The following FAT3 variants were observed in gnomAD, a reference collection of about 807,000 sequenced individuals.
FAT3 encodes the protein protocadherin Fat 3.
Under a neutral mutation model 310.2 loss-of-function variants are expected in FAT3, and 95 were observed. The ratio of observed to expected loss-of-function variants is 0.31; its 90% confidence interval spans 0.26 to 0.36. The LOEUF (loss-of-function observed/expected upper bound fraction) is 0.36. FAT3 is among the 10% of genes least tolerant of loss of function. The pLI is 1.00. For synonymous variants in FAT3, 2,314 were observed against 2,192.9 expected (o/e 1.06, Z -1.54); for missense variants, 5,408 against 5,715.6 (o/e 0.95, Z 1.74).
chr11:92,791,206 C>T (rs983719587), intron 8 of FAT3, among the ~76,000 whole-genome samples: 4 of 152,102 alleles, frequency 2.6e-5, no homozygotes, highest in Non-Finnish European at 5.9e-5. Flanking sequence ...GCCCTTCATT[C>T]ATTCATTTAA....
At chr11:92,689,007 A>G (rs1943717292) in intron 3 of FAT3, among the ~76,000 whole-genome samples, 1 of 152,176 alleles carries the variant, frequency 6.6e-6, no homozygotes, top group Admixed American at 6.6e-5. Context: ...TACTCCACAC[A>G]CTGTTCTTAG....
In FAT3 at chr11:92,332,531, GT is replaced by G. The variant is rs1224650347; in HGVS notation, c.-17-19560del. On this transcript the variant is annotated intron_variant, in intron 1 of 27. Coordinates refer to ENST00000525166, the MANE Select transcript of FAT3 (RefSeq NM_001367949.2). ...AGGCTTTTAGCAGCTTGAAGACATGGTTTTTGGGTTCTGTCTCTAGTGATAA... is the reference window on the plus strand; with the variant it reads ...AGGCTTTTAGCAGCTTGAAGACATGGTTTTGGGTTCTGTCTCTAGTGATAA... Among the ~76,000 whole-genome samples the G allele has an allele frequency of 2.0e-5, 3 of 152,048 alleles. No homozygotes were observed. In the East Asian group the frequency reaches 5.8e-4, roughly 29 times the overall value.
intron 1 of FAT3, among the ~76,000 whole-genome samples, chr11:92,347,347 A>G (rs996535558): frequency 3.3e-5 from 5 of 152,210 alleles, no homozygotes; most frequent in Admixed American, 6.5e-5. Flanking sequence ...TTTACAGCCT[A>G]ACATAGCAAA....
chr11:92,823,271 A>G (rs1327868036), intron 13 of FAT3, among the ~76,000 whole-genome samples: 1 of 152,172 alleles, frequency 6.6e-6, no homozygotes, highest in Non-Finnish European at 1.5e-5. Flanking sequence ...GTACCAATAA[A>G]CATGGAGTTT....
At chr11:92,265,385 C>G (rs938706145) in intron 1 of FAT3, among the ~76,000 whole-genome samples, 2 of 151,962 alleles carry the variant, frequency 1.3e-5, no homozygotes, top group Non-Finnish European at 2.9e-5. Context: ...GTGTTGGGAG[C>G]TGCAGATAAA....
chr11:92,836,655 T>A lies in FAT3; in HGVS notation c.10176T>A (p.Asp3392Glu). ...NGDRDNEFTVDPVLGLVKVKK... is the reference protein window; with the variant it reads ...NGDRDNEFTVEPVLGLVKVKK... ...ATCGGGACAATGAATTTACTGTAGA[T>A]CCTGTCTTGGGACTTGTGAAAGTTA... The change falls in exon 16 of 28, where the codon GAT becomes GAA. Residue 3392 changes from aspartate (D) to glutamate (E), a missense_variant. By Grantham distance (45) the Asp-to-Glu change is conservative. Transcript: ENST00000525166. 6.2e-7 allele frequency: 1 copy of A among 1,613,772 alleles called. No individual in the cohort carries two copies. Among genetic ancestry groups the A allele is most frequent in the Non-Finnish European group, 8.5e-7 (1 of 1,179,776 alleles).
intron 3 of FAT3, among the ~76,000 whole-genome samples, chr11:92,678,135 A>G (rs909239606): frequency 1.3e-4 from 20 of 152,144 alleles, no homozygotes; most frequent in South Asian, 8.3e-4. Context: ...TGCAAGAGGG[A>G]AACAATCAGA....
chr11:92,837,637 A>G, intron 16 of FAT3, 26 bp from the exon 17 acceptor site: 2 of 1,612,892 alleles, frequency 1.2e-6, no homozygotes, highest in Non-Finnish European at 1.7e-6. Flanking sequence ...ACACCTCTTT[A>G]CTGTCACCTC....
intron 1 of FAT3, among the ~76,000 whole-genome samples, chr11:92,281,768 C>T (rs1317096357): frequency 1.3e-5 from 2 of 152,124 alleles, no homozygotes; most frequent in African/African-American, 2.4e-5. Flanking sequence ...AACATTAGAC[C>T]TGGATTTCAG....
chr11:92,670,936 G>A (rs961226018), intron 3 of FAT3, among the ~76,000 whole-genome samples: 1 of 152,028 alleles, frequency 6.6e-6, no homozygotes, highest in Non-Finnish European at 1.5e-5. Context: ...GCTTTCCATT[G>A]CTATAAAACT....
At chr11:92,776,562 T>C (rs1591717573) in intron 7 of FAT3, among the ~76,000 whole-genome samples, 1 of 152,208 alleles carries the variant, frequency 6.6e-6, no homozygotes, top group East Asian at 1.9e-4. Flanking sequence ...TGGAAACATG[T>C]ATTACAAGAC....
intron 1 of FAT3, among the ~76,000 whole-genome samples, chr11:92,304,725 T>C (rs1347103219): frequency 6.6e-6 from 1 of 152,036 alleles, no homozygotes; most frequent in Non-Finnish European, 1.5e-5. Context: ...AGATCCTGCA[T>C]TGACCTGGAG....
chr11:92,548,137 A>C (rs1045127555), intron 3 of FAT3, among the ~76,000 whole-genome samples: 4 of 152,216 alleles, frequency 2.6e-5, no homozygotes, highest in Non-Finnish European at 5.9e-5. Context: ...GAAGAATTAC[A>C]GGCTTTTTAG....
chr11:92,407,879 A>G (rs559020587), intron 2 of FAT3, among the ~76,000 whole-genome samples: 45 of 152,294 alleles, frequency 3.0e-4, no homozygotes, highest in African/African-American at 1.0e-3. Flanking sequence ...TAAGGAGACA[A>G]TAAAAGACGA....
intron 12 of FAT3, among the ~76,000 whole-genome samples, chr11:92,809,523 G>A (rs1369442846): frequency 6.6e-6 from 1 of 152,200 alleles, no homozygotes; most frequent in African/African-American, 2.4e-5. Context: ...GATCTCCAGA[G>A]TAGATCTTGA....
intron 4 of FAT3, among the ~76,000 whole-genome samples, chr11:92,750,461 T>C (rs1372178799): frequency 2.0e-5 from 3 of 152,198 alleles, no homozygotes; most frequent in African/African-American, 4.8e-5. Flanking sequence ...TTCCATAAAA[T>C]AGAATGAATG....
At chr11:92,396,206 A>G (rs576882294) in intron 2 of FAT3, among the ~76,000 whole-genome samples, 125 of 152,278 alleles carry the variant, frequency 8.2e-4, no homozygotes, top group African/African-American at 2.8e-3. Flanking sequence ...TACAACTTTA[A>G]TGCTCAAAAA....
intron 13 of FAT3, among the ~76,000 whole-genome samples, chr11:92,815,845 A>T (rs1296520713): frequency 6.6e-6 from 1 of 152,186 alleles, no homozygotes; most frequent in Admixed American, 6.5e-5. Context: ...AGGAATAAAG[A>T]CATGTTTGCT....
intron 3 of FAT3, among the ~76,000 whole-genome samples, chr11:92,640,919 G>T (rs2135727523): frequency 6.6e-6 from 1 of 152,270 alleles, no homozygotes; most frequent in South Asian, 2.1e-4. Context: ...GAAAAACAGT[G>T]TTCTGGTCTG....
Sources: allele counts gnomAD v4.1 joint callset (sites outside exome capture counted in the v4.1 genomes callset), GRCh38; gene constraint gnomAD v4.1.1; transcripts MANE v1.5; gene names NCBI Gene and HGNC (gene_info 2026-07-23, HGNC 2026-07-21).